ITGA9: variants seen among roughly 807,000 people sequenced by gnomAD.
ITGA9 encodes the protein integrin subunit alpha 9.
A neutral mutation model predicts 127.8 loss-of-function variants in ITGA9; 56 were observed. The observed-to-expected ratio is 0.44, with a 90% CI of 0.35 to 0.55. The LOEUF is 0.55. Among genes scored for constraint, ITGA9 ranks in the 20% least tolerant of loss-of-function variants. The pLI is 0.00. For missense variants in ITGA9, 1,196 were observed against 1,347.1 expected, an observed-to-expected ratio of 0.89 and a Z score of 1.76; for synonymous variants, 508 against 514.5, an observed-to-expected ratio of 0.99 and a Z score of 0.17.
In ITGA9 at chr3:37,695,168, A is replaced by T. The variant is rs147353267; in HGVS notation, c.2067+11153A>T. 3.3e-3 allele frequency among the ~76,000 whole-genome samples: 509 copies of T among 152,270 alleles called. 7 individuals are homozygous for T. The highest frequency in any genetic ancestry group is 0.012 in the African/African-American group (492 of 41,568). On this transcript the variant is annotated intron_variant, in intron 18 of 27. Transcript: ENST00000264741. Reference sequence around the variant, plus strand: ...TTGGTTAAGGGCCACTTAGGGAGGAATAAGTGGTAGAAAGTGGTCCTAGGC... The same window carrying T: ...TTGGTTAAGGGCCACTTAGGGAGGATTAAGTGGTAGAAAGTGGTCCTAGGC...
intron 25 of ITGA9, among the ~76,000 whole-genome samples, chr3:37,783,213 T>G (rs1378211426): frequency 6.6e-6 from 1 of 152,188 alleles, no homozygotes; most frequent in Non-Finnish European, 1.5e-5. Context: ...CTTTTCTCAC[T>G]GATTCTACAA....
intron 9 of ITGA9, among the ~76,000 whole-genome samples, chr3:37,516,138 T>C (rs1698981721): frequency 6.6e-6 from 1 of 152,168 alleles, no homozygotes; most frequent in Admixed American, 6.5e-5. Context: ...AGGTGGACTC[T>C]TGAAGCACAA....
chr3:37,777,651 ACTC>A, intron 24 of ITGA9, 134 bp downstream of exon 24: 1 of 963,204 alleles, frequency 1.0e-6, no homozygotes, highest in South Asian at 1.5e-5. Flanking sequence ...ACTGTGGTCA[ACTC>A]CTAATTTTCA....
chr3:37,752,287 G>A (rs970915409), intron 23 of ITGA9, among the ~76,000 whole-genome samples: 1 of 152,148 alleles, frequency 6.6e-6, no homozygotes, highest in Non-Finnish European at 1.5e-5. Context: ...TGGGGATTTG[G>A]GTGGCTTGGT....
At chr3:37,593,833 G>A (rs1699843543) in intron 15 of ITGA9, among the ~76,000 whole-genome samples, 1 of 152,260 alleles carries the variant, frequency 6.6e-6, no homozygotes, top group African/African-American at 2.4e-5. Flanking sequence ...TCCACTTCAG[G>A]TGAGAAGGAT....
At chr3:37,502,647 C>G (rs1199926086) in intron 5 of ITGA9, among the ~76,000 whole-genome samples, 1 of 152,274 alleles carries the variant, frequency 6.6e-6, no homozygotes, top group East Asian at 1.9e-4. Context: ...CTGTAATGAT[C>G]GGAAAACCAT....
chr3:37,649,180 A>G (rs1302181853), intron 16 of ITGA9, among the ~76,000 whole-genome samples: 1 of 152,068 alleles, frequency 6.6e-6, no homozygotes, highest in African/African-American at 2.4e-5. Flanking sequence ...CAAAAGAACA[A>G]GACACATAGA....
chr3:37,490,676 T>C (rs554506987), intron 4 of ITGA9, among the ~76,000 whole-genome samples: 1 of 152,354 alleles, frequency 6.6e-6, no homozygotes, highest in South Asian at 2.1e-4. Context: ...TAATGTAGGC[T>C]CCATGCATTG....
chr3:37,457,332 A>G (rs896876008), intron 1 of ITGA9, among the ~76,000 whole-genome samples: 5 of 152,126 alleles, frequency 3.3e-5, no homozygotes, highest in African/African-American at 1.2e-4. Flanking sequence ...CTAGGCTCTG[A>G]TGGGGGAGAG....
rs745757622 is a variant in ITGA9 at position 37,517,637 on chromosome 3, C to T, written c.1141+28C>T. 3 of 1,473,956 alleles carry T rather than the reference C, an allele frequency of 2.0e-6. No individual in the cohort carries two copies. The Admixed American group carries it at 5.8e-5, about 28-fold the overall frequency. The allele number at this position is 1,473,956 out of a possible 1,614,324, so 91.3% of individuals were successfully genotyped here. A position where few individuals can be genotyped will look rare whatever the true frequency, so the allele number is the denominator to read the frequency against. Reference sequence around the variant, plus strand: ...GAGTGAGTGCTCCTGGTGCACGGAGCCCCTCCAGGTGCAGCACGCTGCTCT... The same window carrying T: ...GAGTGAGTGCTCCTGGTGCACGGAGTCCCTCCAGGTGCAGCACGCTGCTCT... On this transcript the variant is annotated intron_variant, in intron 10 of 27. Coordinates refer to ENST00000264741, the MANE Select transcript of ITGA9 (RefSeq NM_002207.3).
chr3:37,588,498 G>A (rs1282270701), intron 15 of ITGA9, among the ~76,000 whole-genome samples: 2 of 152,200 alleles, frequency 1.3e-5, no homozygotes, highest in African/African-American at 4.8e-5. Context: ...ACAAACCCTG[G>A]AGTAGAGCCC....
chr3:37,731,868 C>T (rs1320691637), intron 18 of ITGA9, among the ~76,000 whole-genome samples: 1 of 152,144 alleles, frequency 6.6e-6, no homozygotes, highest in Non-Finnish European at 1.5e-5. Flanking sequence ...CAGTTGGACA[C>T]AAAATAAAAA....
chr3:37,510,897 G>A (rs1698898197), intron 8 of ITGA9, among the ~76,000 whole-genome samples: 1 of 151,920 alleles, frequency 6.6e-6, no homozygotes, highest in Non-Finnish European at 1.5e-5. Flanking sequence ...TGTCATCATC[G>A]TTCTGCTTTT....
chr3:37,569,982 A>G (rs1332721656), intron 15 of ITGA9, among the ~76,000 whole-genome samples: 1 of 152,260 alleles, frequency 6.6e-6, no homozygotes, highest in Non-Finnish European at 1.5e-5. Context: ...CTGCCTTGAG[A>G]ATGCATATCA....
intron 7 of ITGA9, 89 bp from the exon 8 acceptor site, chr3:37,508,470 C>A: frequency 9.3e-7 from 1 of 1,075,186 alleles, no homozygotes; most frequent in Non-Finnish European, 1.4e-6. Flanking sequence ...GGCTCTTAAG[C>A]TTTTAAATAG....
intron 16 of ITGA9, among the ~76,000 whole-genome samples, chr3:37,646,339 G>C (rs1575179120): frequency 1.3e-5 from 2 of 152,176 alleles, no homozygotes; most frequent in East Asian, 3.8e-4. Context: ...AAAGTTGCCA[G>C]CCTTGTTCTA....
chr3:37,592,899 G>C (rs1002259123), intron 15 of ITGA9, among the ~76,000 whole-genome samples: 2 of 152,188 alleles, frequency 1.3e-5, no homozygotes, highest in Admixed American at 1.3e-4. Context: ...AGTCCCTTCT[G>C]CCAACCCCTT....
rs2000495 is a variant in ITGA9, at chr3:37,741,718, C to T, written c.2235-12C>T. On this transcript the variant is annotated splice_polypyrimidine_tract_variant and intron_variant, in intron 20 of 27. Transcript: ENST00000264741. ...TTGGCCAGCGTTCATTCATTCTCCT[C>T]TCTCTGCACAGTGGCAACACGGAGC... The T allele has an allele frequency of 3.6e-3, 5,791 of 1,609,906 alleles. 21 individuals are homozygous for T. Among genetic ancestry groups the T allele is most frequent in the Middle Eastern group, 8.4e-3 (51 of 6,056 alleles).
intron 5 of ITGA9, among the ~76,000 whole-genome samples, chr3:37,496,397 A>T (rs1271707432): frequency 6.6e-6 from 1 of 151,864 alleles, no homozygotes; most frequent in East Asian, 1.9e-4. Flanking sequence ...TTGTTCTCTC[A>T]CCTCACTCTC....
Sources: gnomAD v4.1 joint callset for allele counts (sites outside exome capture counted in the v4.1 genomes callset) on GRCh38, gnomAD v4.1.1 for gene constraint, MANE v1.5 for transcripts, NCBI Gene and HGNC (gene_info 2026-07-23, HGNC 2026-07-21) for gene names.